The following PTK2 variants were observed in gnomAD, a reference collection of about 807,000 sequenced individuals.
The protein encoded by PTK2 is focal adhesion kinase 1.
PTK2 carries 45 observed loss-of-function variants against 150.1 expected under a neutral mutation model. The ratio of observed to expected loss-of-function variants is 0.30; its 90% CI spans 0.24 to 0.38. The LOEUF (loss-of-function observed/expected upper bound fraction) is 0.38, where lower values mean the gene tolerates loss of function less well. Among genes scored for constraint, PTK2 ranks in the 10% least tolerant of loss-of-function variants. The pLI is 1.00. For synonymous variants in PTK2, 432 were observed against 449.2 expected (o/e 0.96, Z 0.48); for missense variants, 919 against 1,307.3 (o/e 0.70, Z 4.58).
At chr8:140,892,525 G>A (rs905446950) in intron 2 of PTK2, 2 of 392,026 alleles carry the variant, frequency 5.1e-6, no homozygotes, top group Admixed American at 3.6e-5. Context: ...GACAGAGCCA[G>A]ACCCTGTCAA....
intron 25 of PTK2, 122 bp from the exon 29 acceptor site, chr8:140,701,144 T>G: frequency 1.7e-6 from 2 of 1,145,428 alleles, no homozygotes; most frequent in Non-Finnish European, 2.4e-6. Flanking sequence ...ACAGGATCTC[T>G]CATACTGTGC....
At chr8:140,995,576 C>T (rs996722840) in intron 1 of PTK2, among the ~76,000 whole-genome samples, 27 of 151,780 alleles carry the variant, frequency 1.8e-4, no homozygotes, top group African/African-American at 5.6e-4. Flanking sequence ...AAAAGGTGGG[C>T]GGATTGCCTG....
chr8:140,934,201 A>T (rs554169292), intron 1 of PTK2, among the ~76,000 whole-genome samples: 4 of 152,204 alleles, frequency 2.6e-5, no homozygotes, highest in Non-Finnish European at 5.9e-5. Flanking sequence ...TTGAAGATAA[A>T]CCCTTGGCTT....
At chr8:140,876,902 C>T (rs1431620260) in intron 4 of PTK2, among the ~76,000 whole-genome samples, 5 of 152,048 alleles carry the variant, frequency 3.3e-5, no homozygotes, top group Admixed American at 2.6e-4. Flanking sequence ...AATTCCTCCC[C>T]TTTTAAATAT....
At chr8:140,872,754 TTAACA>T (rs1351285758) in intron 4 of PTK2, among the ~76,000 whole-genome samples, 1 of 152,252 alleles carries the variant, frequency 6.6e-6, no homozygotes, top group Non-Finnish European at 1.5e-5. Flanking sequence ...CCATATGGTC[TTAACA>T]TGTGTTCCCA....
At chr8:140,666,956 G>C (rs2092433894) in intron 30 of PTK2, among the ~76,000 whole-genome samples, 2 of 152,192 alleles carry the variant, frequency 1.3e-5, no homozygotes, top group Non-Finnish European at 2.9e-5. Flanking sequence ...AGAAAATTCT[G>C]ACACATGCTA....
intron 4 of PTK2, among the ~76,000 whole-genome samples, chr8:140,872,345 C>A (rs373695408): frequency 6.6e-6 from 1 of 152,206 alleles, no homozygotes; most frequent in East Asian, 1.9e-4. Context: ...ACGCCTGGCC[C>A]GCTGCATGCT....
intron 7 of PTK2, chr8:140,832,818 G>C (rs2100116278): frequency 7.7e-6 from 4 of 518,690 alleles, no homozygotes; most frequent in Non-Finnish European, 1.5e-5. Context: ...ACAGACCCAT[G>C]GGCAAGGTGT....
chr8:140,969,819 C>T, intron 1 of PTK2, among the ~76,000 whole-genome samples: 1 of 152,222 alleles, frequency 6.6e-6, no homozygotes, highest in Non-Finnish European at 1.5e-5. Flanking sequence ...AGACTGTTGT[C>T]AATTCTGCAT....
chr8:140,687,821 T>G (rs2100020877), intron 26 of PTK2, among the ~76,000 whole-genome samples: 1 of 152,208 alleles, frequency 6.6e-6, no homozygotes, highest in South Asian at 2.1e-4. Context: ...AGAGTGATCC[T>G]CTGATGGCTC....
At chr8:140,734,690 G>A (rs780187167) in intron 22 of PTK2, 2 of 512,432 alleles carry the variant, frequency 3.9e-6, no homozygotes, top group Non-Finnish European at 7.8e-6. Context: ...TATAAAAACA[G>A]AAGTATTCAA....
intron 21 of PTK2, 109 bp from the exon 25 acceptor site, chr8:140,735,564 T>C: frequency 1.0e-6 from 1 of 979,442 alleles, no homozygotes; most frequent in South Asian, 1.4e-5. Flanking sequence ...TGGGAGGTAA[T>C]GGGCAAATTA....
intron 2 of PTK2, among the ~76,000 whole-genome samples, chr8:140,906,408 C>T (rs1411954166): frequency 2.0e-5 from 3 of 152,084 alleles, no homozygotes; most frequent in African/African-American, 7.2e-5. Flanking sequence ...TTATTACAGC[C>T]CTATTCACAA....
chr8:140,919,558 T>TTA (rs879381710), intron 2 of PTK2, among the ~76,000 whole-genome samples: 3 of 152,098 alleles, frequency 2.0e-5, no homozygotes, highest in Admixed American at 2.0e-4. Context: ...TAACACAATG[T>TTA]TATCATACAA....
intron 17 of PTK2, chr8:140,750,198 G>C (rs1486680454): frequency 6.6e-6 from 1 of 152,110 alleles, no homozygotes; most frequent in African/African-American, 2.4e-5. Context: ...TCACCACATG[G>C]CTTACTCTAT....
chr8:140,683,971 A>G lies in PTK2; in HGVS notation c.2562+2661T>C, dbSNP rs185699109. Among the ~76,000 whole-genome samples the G allele has an allele frequency of 7.7e-4, 118 of 152,354 alleles. 1 individual carries two copies. Among genetic ancestry groups the G allele is most frequent in the Admixed American group, 7.3e-3 (111 of 15,300 alleles). The stretch of plus-strand genomic sequence containing the variant: ...AAACAAGACCAGGATGCCCACTCTT[A>G]CCATATCTATTCAACATTAGTGCTG... On this transcript the variant is annotated intron_variant, in intron 27 of 31. Coordinates refer to ENST00000522684, the Ensembl canonical transcript of PTK2.
At position 140,921,135 on chromosome 8, in the gene PTK2, G is replaced by C. The variant is rs377490011; in HGVS notation, c.-33+4526C>G. The C allele has an allele frequency of 6.1e-5, 77 of 1,262,886 alleles. No individual in the cohort carries two copies. The African/African-American group carries it at 1.1e-3, about 18-fold the overall frequency. 78.2% of individuals were successfully genotyped at this position (1,262,886 alleles called of 1,614,324 possible). On this transcript the variant is annotated intron_variant, in intron 2 of 31. Coordinates refer to ENST00000522684, the Ensembl canonical transcript of PTK2. ...GAATCTTCTCATGCTTCCGCAATCT[G>C]AAACACAGACCATCCTGGCTAGATC...
chr8:140,754,321 C>T (rs1304240686), intron 16 of PTK2, among the ~76,000 whole-genome samples: 3 of 152,140 alleles, frequency 2.0e-5, no homozygotes, highest in African/African-American at 4.8e-5. Flanking sequence ...AATCATTAAC[C>T]GTATCTGTGC....
chr8:140,974,155 A>C (rs978624589), intron 1 of PTK2, among the ~76,000 whole-genome samples: 1 of 152,110 alleles, frequency 6.6e-6, no homozygotes, highest in African/African-American at 2.4e-5. Context: ...ACACAATACG[A>C]ATCTGCCTGA....
Sources: gnomAD v4.1 joint callset for allele counts (sites outside exome capture counted in the v4.1 genomes callset) on GRCh38, gnomAD v4.1.1 for gene constraint, MANE v1.5 for transcripts, NCBI Gene and HGNC (gene_info 2026-07-23, HGNC 2026-07-21) for gene names.